ROBO1: variants seen among roughly 807,000 people sequenced by gnomAD.
The protein encoded by ROBO1 is roundabout homolog 1.
A neutral mutation model predicts 195.9 loss-of-function variants in ROBO1; 149 were observed. The observed-to-expected ratio is 0.76, with a 90% CI of 0.67 to 0.87. The LOEUF is 0.87. Ranked by LOEUF, ROBO1 falls within the 40% of genes least tolerant of loss-of-function variation. The pLI is 0.00. For missense variants in ROBO1, 1,933 were observed against 2,068.3 expected (o/e 0.93, Z 1.27); for synonymous variants, 816 against 733.2 (o/e 1.11, Z -1.82).
chr3:79,587,094 A>G (rs1272112417), intron 2 of ROBO1, among the ~76,000 whole-genome samples: 2 of 151,882 alleles, frequency 1.3e-5, no homozygotes, highest in Non-Finnish European at 2.9e-5. Context: ...ATTTTCAACA[A>G]TAAGAGTATT....
intron 4 of ROBO1, among the ~76,000 whole-genome samples, chr3:78,933,282 T>C (rs1440505088): frequency 6.6e-6 from 1 of 152,136 alleles, no homozygotes; most frequent in Non-Finnish European, 1.5e-5. Context: ...CTCATATGGC[T>C]TATGAAACGT....
chr3:79,166,266 A>T (rs1238734112), intron 2 of ROBO1, among the ~76,000 whole-genome samples: 1 of 152,202 alleles, frequency 6.6e-6, no homozygotes, highest in African/African-American at 2.4e-5. Context: ...CTGTTAGAAA[A>T]AAATAGAAAT....
intron 3 of ROBO1, among the ~76,000 whole-genome samples, chr3:79,034,364 C>A (rs180968177): frequency 9.7e-4 from 147 of 152,150 alleles, no homozygotes; most frequent in African/African-American, 3.3e-3. Context: ...CACAGGATGG[C>A]CTGTTAGTCA....
chr3:79,027,806 A>G (rs2108293856), intron 3 of ROBO1, among the ~76,000 whole-genome samples: 1 of 152,056 alleles, frequency 6.6e-6, no homozygotes, highest in South Asian at 2.1e-4. Context: ...GCTTTATTAC[A>G]CCTAGAAGGT....
chr3:79,692,223 G>A (rs1947318732), intron 1 of ROBO1, among the ~76,000 whole-genome samples: 1 of 151,840 alleles, frequency 6.6e-6, no homozygotes, highest in Admixed American at 6.6e-5. Context: ...TGCAAAGCAG[G>A]AAGTATCCAT....
At chr3:78,621,504 C>T (rs17016413) in intron 26 of ROBO1, among the ~76,000 whole-genome samples, 31,952 of 152,076 alleles carry the variant, frequency 0.21, 3,742 homozygotes, top group East Asian at 0.4. Flanking sequence ...ACTACAACCA[C>T]CCTTTACAAA....
chr3:79,322,642 G>T (rs1177022678), intron 2 of ROBO1, among the ~76,000 whole-genome samples: 2 of 152,240 alleles, frequency 1.3e-5, no homozygotes, highest in Admixed American at 6.5e-5. Context: ...CCTATATATG[G>T]ACAGCAGGCT....
intron 2 of ROBO1, among the ~76,000 whole-genome samples, chr3:79,230,446 T>C (rs1241647268): frequency 2.6e-5 from 4 of 151,992 alleles, no homozygotes; most frequent in Non-Finnish European, 1.5e-5. Context: ...CAGAGTCCCC[T>C]CCCATGTTGA....
intron 4 of ROBO1, among the ~76,000 whole-genome samples, chr3:78,858,862 G>T (rs963695927): frequency 1.3e-5 from 2 of 151,348 alleles, no homozygotes; most frequent in African/African-American, 2.4e-5. Flanking sequence ...TTCATCTAAT[G>T]AAATAAATAT....
rs371458059 is a variant in ROBO1, at chr3:79,595,724, CTTTTTTT to C, written c.-50-5770_-50-5764del. On this transcript the variant is annotated intron_variant, in intron 1 of 30. Coordinates refer to ENST00000464233, the MANE Select transcript of ROBO1 (RefSeq NM_002941.4). ...TGGCTTTCTTCTCTTTTTCTTTTTA[CTTTTTTT>C]TTTTTTTTGTCGATATAGAGCCTAT... 5.1e-5 allele frequency among the ~76,000 whole-genome samples: 7 copies of C among 138,432 alleles called. No homozygotes were observed. The East Asian group carries it at 1.5e-3, about 29-fold the overall frequency. The allele number at this position is 138,432 out of a possible 152,430, so 90.8% of individuals were successfully genotyped here.
chr3:79,321,280 C>T (rs1406985146), intron 2 of ROBO1, among the ~76,000 whole-genome samples: 2 of 151,802 alleles, frequency 1.3e-5, no homozygotes, highest in Non-Finnish European at 2.9e-5. Context: ...TTTTTATTCA[C>T]ACATTTTCTT....
intron 3 of ROBO1, among the ~76,000 whole-genome samples, chr3:79,010,317 TTGAC>T (rs1159984080): frequency 6.6e-6 from 1 of 152,156 alleles, no homozygotes; most frequent in Non-Finnish European, 1.5e-5. Flanking sequence ...CTCTACTACT[TTGAC>T]TGGCCATAGT....
At chr3:79,339,539 GTCA>G (rs1310053441) in intron 2 of ROBO1, among the ~76,000 whole-genome samples, 2 of 152,040 alleles carry the variant, frequency 1.3e-5, no homozygotes, top group African/African-American at 4.8e-5. Flanking sequence ...TCCCTCAGTT[GTCA>G]TCATCCCTAG....
At chr3:79,073,093 A>T (rs2079115183) in intron 3 of ROBO1, among the ~76,000 whole-genome samples, 1 of 152,008 alleles carries the variant, frequency 6.6e-6, no homozygotes. Context: ...AAATAAAGGC[A>T]TGGAGCCAAT....
At chr3:79,175,916 A>G (rs907536778) in intron 2 of ROBO1, among the ~76,000 whole-genome samples, 19 of 152,272 alleles carry the variant, frequency 1.2e-4, no homozygotes, top group African/African-American at 4.3e-4. Flanking sequence ...AAAAATTACA[A>G]TTTTCCAAAA....
At chr3:79,387,763 C>A (rs4373036) in intron 2 of ROBO1, among the ~76,000 whole-genome samples, 72,198 of 151,906 alleles carry the variant, frequency 0.48, 17,219 homozygotes, top group South Asian at 0.5. Flanking sequence ...AATGGAAAGC[C>A]ATTAGAGTAA....
rs1939301766 is a variant in ROBO1, at chr3:79,488,920, C to T, written c.88+100904G>A. Among the ~76,000 whole-genome samples the T allele has an allele frequency of 2.0e-5, 3 of 152,206 alleles. No homozygotes were observed. The South Asian group carries it at 6.2e-4, about 32-fold the overall frequency. The stretch of plus-strand genomic sequence containing the variant: ...TGCTTTATTTATAACTTTTGATGAA[C>T]TCAGTAAGATTTAGCCTTGAGTCTC... On this transcript the variant is annotated intron_variant, in intron 2 of 30. Transcript: ENST00000464233.
At chr3:79,097,547 A>G (rs1409136728) in intron 3 of ROBO1, among the ~76,000 whole-genome samples, 1 of 151,738 alleles carries the variant, frequency 6.6e-6, no homozygotes, top group Non-Finnish European at 1.5e-5. Context: ...TTGCACTTGC[A>G]TTTTTTTGTA....
chr3:78,837,615 G>T (rs1045187268), intron 4 of ROBO1, among the ~76,000 whole-genome samples: 1 of 152,010 alleles, frequency 6.6e-6, no homozygotes, highest in Non-Finnish European at 1.5e-5. Context: ...ATTTTTTGAT[G>T]ATATGAGCAC....
Sources: gnomAD v4.1 joint callset for allele counts (sites outside exome capture counted in the v4.1 genomes callset) on GRCh38, gnomAD v4.1.1 for gene constraint, MANE v1.5 for transcripts, NCBI Gene and HGNC (gene_info 2026-07-23, HGNC 2026-07-21) for gene names.